Variants in GOLGA4 observed in about 807,000 individuals in gnomAD.
The protein encoded by GOLGA4 is golgin A4.
In GOLGA4, 169 loss-of-function variants were observed where a neutral mutation model predicts 265.9. The ratio of observed to expected loss-of-function variants is 0.64; its 90% CI spans 0.56 to 0.72. The LOEUF (loss-of-function observed/expected upper bound fraction) is 0.72, where lower values mean the gene tolerates loss of function less well. Ranked by LOEUF, GOLGA4 falls within the 30% of genes least tolerant of loss-of-function variation. The pLI, the probability that GOLGA4 is intolerant of heterozygous loss-of-function variation, is 0.00. For missense variants in GOLGA4, 2,482 were observed against 2,483.4 expected (o/e 1.00, Z 0.01); for synonymous variants, 923 against 855.8 (o/e 1.08, Z -1.37).
Position 37,323,738 on chromosome 3 carries a change from A to C in GOLGA4, c.1852A>C (p.Ser618Arg). 1.2e-6 allele frequency: 2 copies of C among 1,613,888 alleles called. No homozygotes were observed. The highest frequency in any genetic ancestry group is 1.7e-6 in the Non-Finnish European group (2 of 1,179,966). ...MVEKHKTELE[S>R]LKHQQDALWT... Reference sequence around the variant, plus strand: ...TGAAAAACACAAGACAGAATTGGAAAGCCTTAAGCATCAGCAGGATGCCCT... The same window carrying C: ...TGAAAAACACAAGACAGAATTGGAACGCCTTAAGCATCAGCAGGATGCCCT... Residue 618 changes from serine to arginine, a missense_variant, in exon 14 of 24, where the codon AGC becomes CGC. Ser to Arg is a moderately radical substitution (Grantham distance 110). This residue lies in a region of GOLGA4 where 1,536 missense variants were observed against 1,483.7 expected (regional missense o/e 1.04). Transcript: ENST00000361924.
In GOLGA4 at chr3:37,243,618, C is replaced by T. The variant is rs778851390; in HGVS notation, c.68C>T (p.Ala23Val). 49 of 1,611,710 alleles carry T rather than the reference C, an allele frequency of 3.0e-5. No homozygotes were observed. The highest frequency in any genetic ancestry group is 3.7e-5 in the Non-Finnish European group (44 of 1,178,798). The change falls in exon 1 of 24, where the codon GCT (alanine) becomes GTT (valine). Residue 23 changes from alanine to valine, a missense_variant. Ala to Val is a moderately conservative substitution (Grantham distance 64, BLOSUM62 0). Transcript: ENST00000361924. ...CAGCTCCAGCAGGCGCTGGCTCCTG[C>T]TCAGGTACGATGGCCGCCGCTCTCC... ...QQQLQQALAP[A>V]QASSNSSTPT...
chr3:37,353,423 T>C (rs531558135), intron 21 of GOLGA4, among the ~76,000 whole-genome samples: 1 of 152,156 alleles, frequency 6.6e-6, no homozygotes, highest in African/African-American at 2.4e-5. Flanking sequence ...CTGTACTTGG[T>C]TTCTAGACTT....
chr3:37,302,392 A>C, intron 10 of GOLGA4, 60 bp downstream of exon 10: 6 of 1,423,842 alleles, frequency 4.2e-6, no homozygotes, highest in African/African-American at 1.4e-5. Flanking sequence ...AAAGTGCTTG[A>C]CCAGTATTTT....
chr3:37,352,634 T>C (rs2097078193), intron 21 of GOLGA4, among the ~76,000 whole-genome samples: 1 of 152,092 alleles, frequency 6.6e-6, no homozygotes, highest in Non-Finnish European at 1.5e-5. Context: ...GCTTTGTCAC[T>C]TCCCTCAGCC....
intron 21 of GOLGA4, among the ~76,000 whole-genome samples, chr3:37,348,036 T>C (rs950983380): frequency 6.6e-6 from 1 of 152,198 alleles, no homozygotes; most frequent in Admixed American, 6.5e-5. Context: ...ATTTTAATTG[T>C]CTGTGTGCCG....
intron 2 of GOLGA4, among the ~76,000 whole-genome samples, chr3:37,277,505 A>G (rs1338724834): frequency 1.3e-5 from 2 of 152,248 alleles, no homozygotes; most frequent in South Asian, 2.1e-4. Flanking sequence ...TCGGAAATCT[A>G]TACTGACCAA....
intron 19 of GOLGA4, among the ~76,000 whole-genome samples, chr3:37,338,286 T>A (rs1463328823): frequency 6.6e-6 from 1 of 152,186 alleles, no homozygotes; most frequent in South Asian, 2.1e-4. Flanking sequence ...TCTCCTGGGA[T>A]TTTCCCAGTT....
At chr3:37,303,918 A>G (rs1039768663) in intron 10 of GOLGA4, among the ~76,000 whole-genome samples, 2 of 152,212 alleles carry the variant, frequency 1.3e-5, no homozygotes, top group Non-Finnish European at 2.9e-5. Context: ...TAATACTATT[A>G]TCTTCATTTT....
intron 5 of GOLGA4, among the ~76,000 whole-genome samples, chr3:37,289,827 C>G (rs2096860254): frequency 6.6e-6 from 1 of 152,136 alleles, no homozygotes; most frequent in Non-Finnish European, 1.5e-5. Flanking sequence ...GCTGTCAGGT[C>G]CATCTGATAC....
chr3:37,351,487 G>A (rs559915357), intron 21 of GOLGA4, among the ~76,000 whole-genome samples: 4 of 152,236 alleles, frequency 2.6e-5, no homozygotes, highest in Non-Finnish European at 5.9e-5. Flanking sequence ...CTCGAACAGG[G>A]AATCCTTTTC....
intron 13 of GOLGA4, among the ~76,000 whole-genome samples, chr3:37,322,889 C>A (rs907162623): frequency 6.6e-6 from 1 of 151,442 alleles, no homozygotes; most frequent in Non-Finnish European, 1.5e-5. Context: ...CATTCTTTTT[C>A]TTCTAAAATT....
chr3:37,281,715 G>A (rs2096835196), intron 2 of GOLGA4, among the ~76,000 whole-genome samples: 1 of 152,164 alleles, frequency 6.6e-6, no homozygotes, highest in South Asian at 2.1e-4. Flanking sequence ...GTGACTTACT[G>A]AAGGGCATTC....
At chr3:37,363,722 C>G (rs1056804075) in intron 23 of GOLGA4, among the ~76,000 whole-genome samples, 1 of 152,132 alleles carries the variant, frequency 6.6e-6, no homozygotes, top group Non-Finnish European at 1.5e-5. Context: ...TTAGCTAATA[C>G]TAATATATAG....
chr3:37,253,206 A>G (rs776563247), intron 2 of GOLGA4, among the ~76,000 whole-genome samples: 6 of 151,742 alleles, frequency 4.0e-5, no homozygotes, highest in Non-Finnish European at 7.4e-5. Flanking sequence ...GCAGTGAACC[A>G]TGATTGCACC....
intron 20 of GOLGA4, 39 bp from the exon 21 acceptor site, chr3:37,347,154 T>A (rs756831644): frequency 1.6e-6 from 2 of 1,217,538 alleles, no homozygotes; most frequent in Admixed American, 3.5e-5. Context: ...GTTTACCTGG[T>A]TTTGTCTTTA....
chr3:37,351,294 T>C (rs1035311217), intron 21 of GOLGA4, among the ~76,000 whole-genome samples: 4 of 152,168 alleles, frequency 2.6e-5, no homozygotes, highest in African/African-American at 9.6e-5. Context: ...AATCCAGTCA[T>C]GTCTTCAGGC....
At chr3:37,279,681 C>G (rs2096829459) in intron 2 of GOLGA4, among the ~76,000 whole-genome samples, 2 of 152,124 alleles carry the variant, frequency 1.3e-5, no homozygotes, top group South Asian at 4.1e-4. Context: ...CTGAGGTCGG[C>G]AGATCACCTG....
intron 3 of GOLGA4, among the ~76,000 whole-genome samples, chr3:37,283,520 T>C (rs760658152): frequency 1.3e-5 from 2 of 152,136 alleles, no homozygotes; most frequent in Admixed American, 6.5e-5. Flanking sequence ...TTATATTTAA[T>C]TTTTGTTGTT....
In GOLGA4 at chr3:37,280,084, A is replaced by ATTGTTTGTTGTTGCTGTTGCT. The variant is rs2096830785; in HGVS notation, c.163-1872_163-1852dup. 3.9e-5 allele frequency among the ~76,000 whole-genome samples: 6 copies of ATTGTTTGTTGTTGCTGTTGCT among 152,190 alleles called. No individual in the cohort carries two copies. In the South Asian group the frequency reaches 1.2e-3, roughly 32 times the overall value. Reference sequence around the variant, plus strand: ...CGTAGATAGAGACTGAAAGCTTACCATTGTTTGTTGTTGCTGTTGCTTAAC... The same window carrying ATTGTTTGTTGTTGCTGTTGCT: ...CGTAGATAGAGACTGAAAGCTTACCATTGTTTGTTGTTGCTGTTGCTTTGTTTGTTGTTGCTGTTGCTTAAC... On this transcript the variant is annotated intron_variant, in intron 2 of 23. Coordinates refer to ENST00000361924, the MANE Select transcript of GOLGA4 (RefSeq NM_002078.5).
Sources: gnomAD v4.1 joint callset for allele counts (sites outside exome capture counted in the v4.1 genomes callset) on GRCh38, gnomAD v4.1.1 for gene constraint, gnomAD v4.1.1 regional missense constraint, MANE v1.5 for transcripts, NCBI Gene and HGNC (gene_info 2026-07-23, HGNC 2026-07-21) for gene names.